The following QTMAN variants were observed in gnomAD, a reference collection of about 807,000 sequenced individuals.
QTMAN encodes the protein tRNA-queuosine alpha-mannosyltransferase.
At chr2:144,007,961 C>T in the QTMAN span, among the ~76,000 whole-genome samples, 1 of 152,086 alleles carries the variant, frequency 6.6e-6, no homozygotes, top group South Asian at 2.1e-4. Context: ...CATTTCTGCT[C>T]ATGACTGTTC....
chr2:143,939,682 C>G, the QTMAN span: 2 of 152,078 alleles, frequency 1.3e-5, 1 homozygote, highest in South Asian at 4.2e-4. Flanking sequence ...TGTAATAAAT[C>G]CCTGCACCAA....
At chr2:144,279,770 C>T in the QTMAN span, among the ~76,000 whole-genome samples, 95 of 152,284 alleles carry the variant, frequency 6.2e-4, no homozygotes, top group African/African-American at 2.2e-3. Flanking sequence ...TATATACCAT[C>T]GCTTTGTAAT....
the QTMAN span, among the ~76,000 whole-genome samples, chr2:144,078,965 G>A: frequency 6.6e-6 from 1 of 152,034 alleles, no homozygotes; most frequent in African/African-American, 2.4e-5. Flanking sequence ...ATCCTGATTT[G>A]TACAGGATAT....
the QTMAN span, among the ~76,000 whole-genome samples, chr2:144,181,496 AT>A: frequency 6.6e-6 from 1 of 152,198 alleles, no homozygotes; most frequent in Non-Finnish European, 1.5e-5. Context: ...CTTAAAACTA[AT>A]TTAACTGGTA....
the QTMAN span, among the ~76,000 whole-genome samples, chr2:144,275,622 T>C: frequency 6.6e-6 from 1 of 152,176 alleles, no homozygotes; most frequent in African/African-American, 2.4e-5. Context: ...TGCCCTCATC[T>C]ATGAAACAGC....
chr2:144,011,517 A>T, the QTMAN span: 1 of 537,074 alleles, frequency 1.9e-6, no homozygotes, highest in Non-Finnish European at 2.4e-6. Flanking sequence ...TAGGCATAAT[A>T]CTAACAAGCA....
chr2:144,051,546 T>C, the QTMAN span, among the ~76,000 whole-genome samples: 2 of 152,132 alleles, frequency 1.3e-5, no homozygotes, highest in African/African-American at 4.8e-5. Flanking sequence ...CAACTTTGCA[T>C]TTTCCTGATC....
the QTMAN span, among the ~76,000 whole-genome samples, chr2:143,962,864 G>C: frequency 6.6e-6 from 1 of 152,150 alleles, no homozygotes; most frequent in Non-Finnish European, 1.5e-5. Context: ...TATAGTTCAG[G>C]AAAAATAATG....
chr2:144,023,029 T>C, the QTMAN span, among the ~76,000 whole-genome samples: 3 of 152,210 alleles, frequency 2.0e-5, no homozygotes, highest in Admixed American at 6.5e-5. Context: ...TTTTAAAACC[T>C]ACTTTATCTT....
chr2:144,092,728 A>G, the QTMAN span, among the ~76,000 whole-genome samples: 2 of 152,194 alleles, frequency 1.3e-5, no homozygotes, highest in East Asian at 1.9e-4. Flanking sequence ...ACCAAAACCC[A>G]TATCTGCCAC....
At chr2:144,226,031 AAAAC>A in the QTMAN span, among the ~76,000 whole-genome samples, 1 of 152,266 alleles carries the variant, frequency 6.6e-6, no homozygotes, top group African/African-American at 2.4e-5. Context: ...TATGAGGAAT[AAAAC>A]AAAAGAGGTA....
At chr2:144,174,170 C>T in the QTMAN span, among the ~76,000 whole-genome samples, 8 of 152,224 alleles carry the variant, frequency 5.3e-5, no homozygotes, top group East Asian at 1.9e-4. Flanking sequence ...GTGAAACCCT[C>T]TACAGACATC....
chr2:144,083,935 T>C, the QTMAN span, among the ~76,000 whole-genome samples: 11 of 152,232 alleles, frequency 7.2e-5, no homozygotes, highest in Non-Finnish European at 1.3e-4. Flanking sequence ...AGAAATATAA[T>C]TTCTACCTTT....
chr2:144,014,568 C>A, the QTMAN span, among the ~76,000 whole-genome samples: 1 of 152,108 alleles, frequency 6.6e-6, no homozygotes, highest in Non-Finnish European at 1.5e-5. Flanking sequence ...GTAATACATG[C>A]TGAAATGGAA....
chr2:144,240,533 A>G, the QTMAN span, among the ~76,000 whole-genome samples: 2 of 152,256 alleles, frequency 1.3e-5, no homozygotes, highest in Non-Finnish European at 2.9e-5. Context: ...GAACAAAATC[A>G]GAATTCTGAA....
the QTMAN span, among the ~76,000 whole-genome samples, chr2:143,987,670 C>T: frequency 6.6e-6 from 1 of 152,208 alleles, no homozygotes; most frequent in African/African-American, 2.4e-5. Context: ...CTACTTTGCA[C>T]ATCCATTCCT....
At chr2:144,317,490 T>C in the QTMAN span, 5 of 152,068 alleles carry the variant, frequency 3.3e-5, no homozygotes, top group African/African-American at 1.2e-4. Context: ...TTACATTAAT[T>C]TTTCTCCAAA....
At chr2:143,940,732 G>C in the QTMAN span, 6 of 152,374 alleles carry the variant, frequency 3.9e-5, no homozygotes. Context: ...CTGCTCTTCT[G>C]CCCTGTGTGG....
the QTMAN span, among the ~76,000 whole-genome samples, chr2:143,967,772 A>T: frequency 6.6e-6 from 1 of 152,190 alleles, no homozygotes; most frequent in Non-Finnish European, 1.5e-5. Context: ...AAAGTTAGAG[A>T]AACAGTTGGG....
Sources: gnomAD v4.1 joint callset for allele counts (sites outside exome capture counted in the v4.1 genomes callset) on GRCh38, gnomAD v4.1.1 for gene constraint, MANE v1.5 for transcripts, NCBI Gene and HGNC (gene_info 2026-07-23, HGNC 2026-07-21) for gene names.